Variants in WWOX observed in about 807,000 individuals in gnomAD.
WWOX encodes WW domain-containing oxidoreductase.
A neutral mutation model predicts 46.2 loss-of-function variants in WWOX; 69 were observed. The observed-to-expected ratio is 1.49, with a 90% CI of 1.23 to 1.82. WWOX has a LOEUF of 1.82. WWOX is among the 40% of genes most tolerant of loss of function. The probability of loss-of-function intolerance (pLI) is 0.00; values close to 1 mark genes in which losing one functional copy is unlikely to be tolerated. For synonymous variants in WWOX, 359 were observed against 202.6 expected (o/e 1.77, Z -6.56); for missense variants, 919 against 542.6 (o/e 1.69, Z -6.89).
chr16:78,434,616 G>A (rs1365578172), intron 8 of WWOX, among the ~76,000 whole-genome samples: 1 of 152,160 alleles, frequency 6.6e-6, no homozygotes, highest in African/African-American at 2.4e-5. Context: ...TGGGTCTTGA[G>A]TCATCTCACT....
At chr16:79,037,266 G>T (rs1028722886) in intron 8 of WWOX, among the ~76,000 whole-genome samples, 2 of 152,202 alleles carry the variant, frequency 1.3e-5, no homozygotes, top group Non-Finnish European at 2.9e-5. Context: ...GACTCTGGGG[G>T]ATGCTTCTTT....
At chr16:78,540,391 A>C (rs557040964) in intron 8 of WWOX, among the ~76,000 whole-genome samples, 1 of 152,232 alleles carries the variant, frequency 6.6e-6, no homozygotes, top group Non-Finnish European at 1.5e-5. Flanking sequence ...TTCCCCTTGC[A>C]TGTTGCGTGT....
In WWOX at chr16:78,120,006, C is replaced by G. The variant is rs941151377; in HGVS notation, c.409+4852C>G. 3.3e-5 allele frequency among the ~76,000 whole-genome samples: 5 copies of G among 152,000 alleles called. No homozygotes were observed. In the South Asian group the frequency reaches 1.0e-3, roughly 32 times the overall value. Reference sequence around the variant, plus strand: ...GCCTAGCTTCGTTACAGTTTTTGAGCCAAAGGACCCATTAACAGAAACAAA... The same window carrying G: ...GCCTAGCTTCGTTACAGTTTTTGAGGCAAAGGACCCATTAACAGAAACAAA... On this transcript the variant is annotated intron_variant, in intron 4 of 8. Transcript: ENST00000566780.
chr16:78,401,245 T>G (rs185717462), intron 6 of WWOX, among the ~76,000 whole-genome samples: 1 of 151,752 alleles, frequency 6.6e-6, no homozygotes, highest in Non-Finnish European at 1.5e-5. Context: ...TTTCTACATT[T>G]TCCATAATTT....
chr16:79,080,541 C>T (rs1445138559), intron 8 of WWOX, among the ~76,000 whole-genome samples: 2 of 152,244 alleles, frequency 1.3e-5, no homozygotes, highest in African/African-American at 4.8e-5. Flanking sequence ...ATTATAGCCA[C>T]AACCATACCC....
chr16:78,824,578 C>T (rs1354600651), intron 8 of WWOX, among the ~76,000 whole-genome samples: 1 of 152,064 alleles, frequency 6.6e-6, no homozygotes, highest in South Asian at 2.1e-4. Context: ...TACAGTTCCG[C>T]ACGGCTGGGG....
chr16:79,006,898 C>A (rs916362918), intron 8 of WWOX, among the ~76,000 whole-genome samples: 1 of 152,202 alleles, frequency 6.6e-6, no homozygotes, highest in African/African-American at 2.4e-5. Flanking sequence ...GATAGTTTTG[C>A]ACCCACTGGA....
chr16:78,423,042 C>T (rs145133089), intron 6 of WWOX, among the ~76,000 whole-genome samples: 64 of 151,802 alleles, frequency 4.2e-4, no homozygotes, highest in Middle Eastern at 3.4e-3. Context: ...TGTGCCACCA[C>T]GCTGGGCTAA....
At chr16:78,943,455 G>T (rs1180181516) in intron 8 of WWOX, among the ~76,000 whole-genome samples, 1 of 151,340 alleles carries the variant, frequency 6.6e-6, no homozygotes, top group Non-Finnish European at 1.5e-5. Flanking sequence ...GAGAAACAGG[G>T]AGGACCCAGG....
At chr16:78,319,686 C>T (rs1369119245) in intron 5 of WWOX, among the ~76,000 whole-genome samples, 1 of 152,180 alleles carries the variant, frequency 6.6e-6, no homozygotes, top group Non-Finnish European at 1.5e-5. Flanking sequence ...ACGTTCTATG[C>T]CATTTTTATC....
rs76747312 is a variant in WWOX at position 78,645,024 on chromosome 16, G to T, written c.1056+212272G>T. On this transcript the variant is annotated intron_variant, in intron 8 of 8. Coordinates refer to ENST00000566780, the MANE Select transcript of WWOX (RefSeq NM_016373.4). ...AAGATGAAGGAAATCATTAAATAGT[G>T]CTTTCTTTTCTTCAAAAGTTGGGTT... Among the ~76,000 whole-genome samples the T allele has an allele frequency of 3.6e-3, 543 of 152,252 alleles. 6 individuals are homozygous for T. Among genetic ancestry groups the T allele is most frequent in the African/African-American group, 0.012 (514 of 41,550 alleles).
chr16:78,197,860 A>G (rs1371732496), intron 5 of WWOX, among the ~76,000 whole-genome samples: 2 of 152,194 alleles, frequency 1.3e-5, no homozygotes. Flanking sequence ...ATTTGAAAAC[A>G]GAGCCCCCAT....
intron 8 of WWOX, among the ~76,000 whole-genome samples, chr16:78,539,223 T>G (rs909697080): frequency 1.2e-4 from 19 of 152,214 alleles, no homozygotes; most frequent in African/African-American, 4.6e-4. Flanking sequence ...TCAACTGAAC[T>G]ATGGTGGTTA....
chr16:78,575,344 T>G (rs1032333443), intron 8 of WWOX, among the ~76,000 whole-genome samples: 1 of 151,376 alleles, frequency 6.6e-6, no homozygotes, highest in African/African-American at 2.4e-5. Context: ...TTAGAACGTA[T>G]TTGTTTAGAG....
chr16:79,199,938 A>C (rs2051314356), intron 8 of WWOX, among the ~76,000 whole-genome samples: 2 of 152,104 alleles, frequency 1.3e-5, no homozygotes, highest in Non-Finnish European at 2.9e-5. Context: ...GGTGTACCCC[A>C]TTGTCATGAG....
At chr16:78,783,962 C>G (rs929216402) in intron 8 of WWOX, among the ~76,000 whole-genome samples, 7 of 151,170 alleles carry the variant, frequency 4.6e-5, no homozygotes, top group African/African-American at 1.7e-4. Flanking sequence ...GATGGTGATG[C>G]TGGTGATGAT....
intron 8 of WWOX, among the ~76,000 whole-genome samples, chr16:78,543,559 A>G (rs955195767): frequency 1.3e-5 from 2 of 152,192 alleles, no homozygotes; most frequent in African/African-American, 2.4e-5. Flanking sequence ...ACACTGGCCA[A>G]ATTCTGTTTG....
At chr16:78,840,762 A>G (rs1315233674) in intron 8 of WWOX, among the ~76,000 whole-genome samples, 1 of 151,748 alleles carries the variant, frequency 6.6e-6, no homozygotes, top group Non-Finnish European at 1.5e-5. Context: ...ATATATGTAT[A>G]TATATATGTG....
chr16:79,204,262 A>C (rs1366571782), intron 8 of WWOX: 1 of 152,132 alleles, frequency 6.6e-6, no homozygotes, highest in Admixed American at 6.5e-5. Flanking sequence ...CATCATCAAC[A>C]ATACCTTCTC....
Sources: gnomAD v4.1 joint callset for allele counts (sites outside exome capture counted in the v4.1 genomes callset) on GRCh38, gnomAD v4.1.1 for gene constraint, MANE v1.5 for transcripts, NCBI Gene and HGNC (gene_info 2026-07-23, HGNC 2026-07-21) for gene names.